The following ASB4 variants were observed in gnomAD, a reference collection of about 807,000 sequenced individuals.
ASB4 encodes ankyrin repeat and SOCS box containing 4.
In ASB4, 35 loss-of-function variants were observed where a neutral mutation model predicts 38.6. The ratio of observed to expected loss-of-function variants is 0.91; its 90% confidence interval spans 0.69 to 1.20. The LOEUF is 1.20. ASB4 is among the 50% of genes most tolerant of loss of function. The pLI is 0.00. For synonymous variants in ASB4, 195 were observed against 201.3 expected, an observed-to-expected ratio of 0.97 and a Z score of 0.26; for missense variants, 557 against 527.2, an observed-to-expected ratio of 1.06 and a Z score of -0.55.
chr7:95,504,338 T>C (rs999949143), intron 2 of ASB4, among the ~76,000 whole-genome samples: 3 of 150,082 alleles, frequency 2.0e-5, no homozygotes, highest in African/African-American at 7.5e-5. Flanking sequence ...TATCTGACAG[T>C]GACACAAGTC....
downstream of ASB4, among the ~76,000 whole-genome samples, chr7:95,540,603 C>T (rs976553509): frequency 3.3e-5 from 5 of 152,170 alleles, no homozygotes; most frequent in African/African-American, 4.8e-5. Context: ...ATCCTCATGA[C>T]GCCTTTGTTA....
chr7:95,536,151 A>G (rs1790886778), intron 3 of ASB4, among the ~76,000 whole-genome samples: 1 of 152,202 alleles, frequency 6.6e-6, no homozygotes, highest in Non-Finnish European at 1.5e-5. Context: ...GTGTACTGGA[A>G]TACTCAAAGG....
At chr7:95,478,537 G>C (rs1789997395) in exon 1 of ASB4, 1 of 152,170 alleles carries the variant, frequency 6.6e-6, no homozygotes, top group Non-Finnish European at 1.5e-5. Context: ...CCTGTAAAGA[G>C]AGTCGCTGAA....
At chr7:95,504,939 A>G (rs888280959) in intron 2 of ASB4, among the ~76,000 whole-genome samples, 1 of 152,210 alleles carries the variant, frequency 6.6e-6, no homozygotes, top group Non-Finnish European at 1.5e-5. Flanking sequence ...CCCGTAAAGC[A>G]TGTTCCACGA....
intron 2 of ASB4, among the ~76,000 whole-genome samples, chr7:95,523,624 AAGACTCTTAACAT>A (rs1790694135): frequency 6.6e-6 from 1 of 152,172 alleles, no homozygotes; most frequent in African/African-American, 2.4e-5. Context: ...GTTATTAATA[AAGACTCTTAACAT>A]AGTTCAAATG....
chr7:95,510,607 C>T (rs1221805244), intron 2 of ASB4, among the ~76,000 whole-genome samples: 1 of 152,162 alleles, frequency 6.6e-6, no homozygotes, highest in Non-Finnish European at 1.5e-5. Flanking sequence ...ACCTATACGA[C>T]AATTTTAGGT....
At chr7:95,498,950 G>A (rs939512351) in intron 2 of ASB4, among the ~76,000 whole-genome samples, 6 of 151,966 alleles carry the variant, frequency 3.9e-5, no homozygotes, top group African/African-American at 1.2e-4. Flanking sequence ...AAATCAATTG[G>A]CAATATATGT....
intron 2 of ASB4, among the ~76,000 whole-genome samples, chr7:95,499,490 G>T (rs757327520): frequency 1.5e-4 from 23 of 152,154 alleles, no homozygotes; most frequent in Admixed American, 5.9e-4. Context: ...GCTACCCAGG[G>T]TTAATTAGAT....
At chr7:95,514,153 C>T (rs1790523141) in intron 2 of ASB4, among the ~76,000 whole-genome samples, 1 of 152,138 alleles carries the variant, frequency 6.6e-6, no homozygotes, top group Non-Finnish European at 1.5e-5. Flanking sequence ...ACTCCAGTTC[C>T]TTGCCCCTTT....
chr7:95,504,717 TAACAGCAAATAAAA>T (rs1395568682), intron 2 of ASB4, among the ~76,000 whole-genome samples: 1 of 152,162 alleles, frequency 6.6e-6, no homozygotes, highest in Non-Finnish European at 1.5e-5. Context: ...AGGGTAACAG[TAACAGCAAATAAAA>T]GGCAATTAAA....
At chr7:95,480,048 C>T (rs1790009951) in intron 1 of ASB4, among the ~76,000 whole-genome samples, 1 of 152,160 alleles carries the variant, frequency 6.6e-6, no homozygotes, top group Admixed American at 6.6e-5. Context: ...TTTGAATTTG[C>T]AGTGCTTTCC....
intron 1 of ASB4, among the ~76,000 whole-genome samples, chr7:95,479,133 C>A (rs1040312398): frequency 1.3e-5 from 2 of 152,180 alleles, no homozygotes; most frequent in Non-Finnish European, 2.9e-5. Context: ...TAGTAGGTCT[C>A]ATTTTACTTA....
At chr7:95,515,465 G>T (rs1175207315) in intron 2 of ASB4, among the ~76,000 whole-genome samples, 1 of 144,210 alleles carries the variant, frequency 6.9e-6, no homozygotes, top group South Asian at 2.2e-4. Flanking sequence ...CGCTAGGTTG[G>T]AGTGCAGTGA....
intron 2 of ASB4, among the ~76,000 whole-genome samples, chr7:95,514,956 T>C (rs529292459): frequency 6.6e-6 from 1 of 152,340 alleles, no homozygotes; most frequent in South Asian, 2.1e-4. Flanking sequence ...TAAGGGGCTG[T>C]TCTAAACCTT....
At chr7:95,526,294 C>T (rs1052603802) in intron 2 of ASB4, among the ~76,000 whole-genome samples, 21 of 152,156 alleles carry the variant, frequency 1.4e-4, no homozygotes, top group African/African-American at 4.3e-4. Context: ...CAAGCAATGA[C>T]TTCTTCCTGG....
At chr7:95,535,640 C>A (rs1255930295) in intron 3 of ASB4, among the ~76,000 whole-genome samples, 1 of 152,166 alleles carries the variant, frequency 6.6e-6, no homozygotes, top group Non-Finnish European at 1.5e-5. Flanking sequence ...AAAGCTAAAT[C>A]TTTCTATCTC....
At chr7:95,477,252 C>A (rs1476589911), upstream of ASB4, among the ~76,000 whole-genome samples, 1 of 152,078 alleles carries the variant, frequency 6.6e-6, no homozygotes, top group African/African-American at 2.4e-5. Context: ...TCTAGAAAAA[C>A]GTTTGTGGCT....
intron 2 of ASB4, among the ~76,000 whole-genome samples, chr7:95,504,354 CAT>C (rs140821242): frequency 0.093 from 14,083 of 152,150 alleles, 842 homozygotes; most frequent in African/African-American, 0.16. Flanking sequence ...AAGTCAACCA[CAT>C]GTTAGGAAAT....
At chr7:95,515,167 CTCTTTCTTTCTTTCTTTCTTTCTT>C (rs71127411) in intron 2 of ASB4, among the ~76,000 whole-genome samples, 77 of 89,796 alleles carry the variant, frequency 8.6e-4, no homozygotes, top group Non-Finnish European at 1.1e-3. Flanking sequence ...CTTTCTCTTT[CTCTTTCTTTCTTTCTTTCTTTCTT>C]TCTTTCTTTC....
Sources: allele counts gnomAD v4.1 joint callset (sites outside exome capture counted in the v4.1 genomes callset), GRCh38; gene constraint gnomAD v4.1.1; transcripts MANE v1.5; gene names NCBI Gene and HGNC (gene_info 2026-07-23, HGNC 2026-07-21).